Variants in ADGRL2 observed in about 807,000 individuals in gnomAD.
The protein encoded by ADGRL2 is adhesion G protein-coupled receptor L2, also known as calcium-independent alpha-latrotoxin receptor 2.
A neutral mutation model predicts 157.4 loss-of-function variants in ADGRL2; 44 were observed. That is an observed-to-expected ratio of 0.28 (90% confidence interval 0.22 to 0.36). The LOEUF (loss-of-function observed/expected upper bound fraction) is 0.36. Among genes scored for constraint, ADGRL2 ranks in the 10% least tolerant of loss-of-function variants. The pLI is 1.00. For missense variants in ADGRL2, 1,510 were observed against 1,768.9 expected, an observed-to-expected ratio of 0.85 and a Z score of 2.63; for synonymous variants, 585 against 624.7, an observed-to-expected ratio of 0.94 and a Z score of 0.95.
intron 3 of ADGRL2, among the ~76,000 whole-genome samples, chr1:81,910,210 A>T (rs1264978825): frequency 6.6e-6 from 1 of 150,642 alleles, no homozygotes; most frequent in Non-Finnish European, 1.5e-5. Flanking sequence ...CTGAACTCCA[A>T]CCTGGGCAAC....
At chr1:81,783,489 T>C (rs970586492) in intron 2 of ADGRL2, among the ~76,000 whole-genome samples, 1 of 152,142 alleles carries the variant, frequency 6.6e-6, no homozygotes, top group Non-Finnish European at 1.5e-5. Flanking sequence ...ATCTTCTTCT[T>C]ATTTTTATCT....
chr1:81,512,928 A>G (rs1570340298), intron 2 of ADGRL2, among the ~76,000 whole-genome samples: 1 of 148,208 alleles, frequency 6.7e-6, no homozygotes, highest in Non-Finnish European at 1.5e-5. Flanking sequence ...TTTTTTTTTT[A>G]CCTAGTCCCC....
At chr1:81,862,044 A>G (rs2150798935) in intron 2 of ADGRL2, among the ~76,000 whole-genome samples, 1 of 152,304 alleles carries the variant, frequency 6.6e-6, no homozygotes, top group South Asian at 2.1e-4. Context: ...ACTTTATAAT[A>G]AAAGAAATAT....
At chr1:81,789,693 C>T (rs542236222) in intron 2 of ADGRL2, among the ~76,000 whole-genome samples, 1 of 106,030 alleles carries the variant, frequency 9.4e-6, no homozygotes, top group South Asian at 3.3e-4. Context: ...CAGAGCGAGT[C>T]TCCGTCTCAA....
chr1:81,333,740 C>T (rs1316057487), intron 1 of ADGRL2, among the ~76,000 whole-genome samples: 1 of 141,066 alleles, frequency 7.1e-6, no homozygotes, highest in Non-Finnish European at 1.5e-5. Context: ...TTTAGCCTTT[C>T]AGAGCTGGGG....
At chr1:81,937,230 T>C (rs2095324033) in intron 4 of ADGRL2, among the ~76,000 whole-genome samples, 1 of 151,888 alleles carries the variant, frequency 6.6e-6, no homozygotes, top group African/African-American at 2.4e-5. Context: ...CTACCTGCTG[T>C]TGTAGTAAGT....
intron 2 of ADGRL2, among the ~76,000 whole-genome samples, chr1:81,898,662 G>A (rs978955363): frequency 4.6e-5 from 7 of 152,156 alleles, no homozygotes; most frequent in African/African-American, 1.7e-4. Flanking sequence ...ATTGTGCTTA[G>A]TTGGCTCCAT....
chr1:81,425,648 A>G (rs930400011), intron 1 of ADGRL2, among the ~76,000 whole-genome samples: 105 of 152,354 alleles, frequency 6.9e-4, no homozygotes, highest in African/African-American at 2.4e-3. Context: ...CACTACAGGC[A>G]GAGATCTGGG....
intron 3 of ADGRL2, among the ~76,000 whole-genome samples, chr1:81,642,853 A>G (rs1425097098): frequency 2.0e-5 from 3 of 152,336 alleles, no homozygotes; most frequent in Middle Eastern, 3.4e-3. Context: ...CAATAGATGC[A>G]TTAAAAAATC....
At chr1:81,807,966 T>A (rs1030488689) in intron 1 of ADGRL2, among the ~76,000 whole-genome samples, 25 of 151,900 alleles carry the variant, frequency 1.6e-4, no homozygotes, top group African/African-American at 5.8e-4. Flanking sequence ...TATTATTATT[T>A]TTTTACAAAA....
intron 2 of ADGRL2, among the ~76,000 whole-genome samples, chr1:81,794,802 T>C (rs1171370686): frequency 6.6e-6 from 1 of 152,218 alleles, no homozygotes; most frequent in East Asian, 1.9e-4. Flanking sequence ...GATACTATTC[T>C]TTTATTAAGA....
chr1:81,664,611 C>T (rs556614561), intron 3 of ADGRL2, among the ~76,000 whole-genome samples: 2 of 152,164 alleles, frequency 1.3e-5, no homozygotes, highest in African/African-American at 4.8e-5. Flanking sequence ...GATTGCCTTG[C>T]TTACCAGATA....
intron 1 of ADGRL2, chr1:81,426,725 G>A: frequency 2.1e-6 from 1 of 470,334 alleles, no homozygotes; most frequent in Non-Finnish European, 4.1e-6. Context: ...AGAGGTGGAT[G>A]CAACAACATG....
intron 2 of ADGRL2, among the ~76,000 whole-genome samples, chr1:81,578,965 G>A (rs2080851282): frequency 6.6e-6 from 1 of 152,086 alleles, no homozygotes; most frequent in Non-Finnish European, 1.5e-5. Context: ...TCTCCTTCTT[G>A]TTAATGCCAA....
At chr1:81,804,733 AAG>A (rs2088850206) in intron 1 of ADGRL2, among the ~76,000 whole-genome samples, 1 of 152,326 alleles carries the variant, frequency 6.6e-6, no homozygotes, top group South Asian at 2.1e-4. Context: ...CCTTCAGTGT[AAG>A]AGAGAGTGAG....
chr1:81,513,884 G>A (rs529194154), intron 2 of ADGRL2: 13 of 152,300 alleles, frequency 8.5e-5, no homozygotes, highest in African/African-American at 3.1e-4. Flanking sequence ...CAGCAATGGG[G>A]CCATCCTCTA....
intron 2 of ADGRL2, among the ~76,000 whole-genome samples, chr1:81,475,228 A>C (rs2078248664): frequency 6.6e-6 from 1 of 152,182 alleles, no homozygotes; most frequent in Non-Finnish European, 1.5e-5. Context: ...TCATGGGCAT[A>C]AGTCATTACT....
intron 3 of ADGRL2, among the ~76,000 whole-genome samples, chr1:81,668,175 C>A (rs1570780985): frequency 6.6e-6 from 1 of 152,190 alleles, no homozygotes; most frequent in East Asian, 1.9e-4. Flanking sequence ...GTAATCCCAG[C>A]ACTTTGGGGG....
intron 1 of ADGRL2, among the ~76,000 whole-genome samples, chr1:81,817,627 A>G (rs939706051): frequency 5.3e-5 from 8 of 152,110 alleles, no homozygotes; most frequent in African/African-American, 1.7e-4. Flanking sequence ...ATTCAAGACT[A>G]TATTAATCTA....
Sources: allele counts gnomAD v4.1 joint callset (sites outside exome capture counted in the v4.1 genomes callset), GRCh38; gene constraint gnomAD v4.1.1; transcripts MANE v1.5; gene names NCBI Gene and HGNC (gene_info 2026-07-23, HGNC 2026-07-21).